TNFSF4: variants seen among roughly 807,000 people sequenced by gnomAD.
TNFSF4 encodes TNF superfamily member 4.
A neutral mutation model predicts 7.3 loss-of-function variants in TNFSF4; 4 were observed. The observed-to-expected ratio is 0.55, with a 90% CI of 0.27 to 1.25. The LOEUF (loss-of-function observed/expected upper bound fraction) is 1.25, where lower values mean the gene tolerates loss of function less well. Ranked by LOEUF, TNFSF4 falls within the 50% of genes most tolerant of loss-of-function variation. TNFSF4 has a pLI of 0.12. For missense variants in TNFSF4, 181 were observed against 208.8 expected, an observed-to-expected ratio of 0.87 and a Z score of 0.82; for synonymous variants, 76 against 83.7, an observed-to-expected ratio of 0.91 and a Z score of 0.50.
At chr1:173,434,398 G>A in the TNFSF4 span, among the ~76,000 whole-genome samples, 1 of 152,152 alleles carries the variant, frequency 6.6e-6, no homozygotes, top group Non-Finnish European at 1.5e-5. Flanking sequence ...AGGAGACCTG[G>A]CAGAAAAGTG....
the TNFSF4 span, among the ~76,000 whole-genome samples, chr1:173,390,785 G>A: frequency 1.1e-5 from 1 of 93,780 alleles, no homozygotes; most frequent in Non-Finnish European, 2.0e-5. Context: ...CGCTCTTGTT[G>A]CCCAGGCTGG....
chr1:173,288,149 C>G, the TNFSF4 span, among the ~76,000 whole-genome samples: 1 of 152,182 alleles, frequency 6.6e-6, no homozygotes, highest in Non-Finnish European at 1.5e-5. Flanking sequence ...ACATGTATCT[C>G]TCATCAATAA....
chr1:173,294,596 G>GT, the TNFSF4 span, among the ~76,000 whole-genome samples: 1 of 151,764 alleles, frequency 6.6e-6, no homozygotes, highest in South Asian at 2.1e-4. Flanking sequence ...TAAAATAAAA[G>GT]TTTTTTAAAA....
At chr1:173,403,775 G>T in the TNFSF4 span, among the ~76,000 whole-genome samples, 12 of 152,188 alleles carry the variant, frequency 7.9e-5, no homozygotes, top group African/African-American at 2.6e-4. Flanking sequence ...GGTGGCGGGT[G>T]CCTGTAATCC....
the TNFSF4 span, among the ~76,000 whole-genome samples, chr1:173,331,695 T>C: frequency 6.6e-6 from 1 of 152,198 alleles, no homozygotes; most frequent in African/African-American, 2.4e-5. Flanking sequence ...CTAGGAGCCT[T>C]AAGATAAAGA....
chr1:173,343,822 G>A, the TNFSF4 span, among the ~76,000 whole-genome samples: 1 of 152,294 alleles, frequency 6.6e-6, no homozygotes, highest in South Asian at 2.1e-4. Flanking sequence ...TGAATGGATA[G>A]ATAAGATGGA....
At chr1:173,273,582 A>G in the TNFSF4 span, among the ~76,000 whole-genome samples, 4 of 152,278 alleles carry the variant, frequency 2.6e-5, no homozygotes, top group South Asian at 8.3e-4. Context: ...CAGTTGGGAA[A>G]AAAATGTAGA....
chr1:173,443,940 T>C, the TNFSF4 span, among the ~76,000 whole-genome samples: 1 of 152,188 alleles, frequency 6.6e-6, no homozygotes, highest in African/African-American at 2.4e-5. Flanking sequence ...CTTGTTTTCT[T>C]TGTCATCTAA....
At chr1:173,436,065 G>T in the TNFSF4 span, among the ~76,000 whole-genome samples, 1 of 152,190 alleles carries the variant, frequency 6.6e-6, no homozygotes, top group African/African-American at 2.4e-5. Context: ...AAGGAGCAGA[G>T]AAGAACATCT....
the TNFSF4 span, among the ~76,000 whole-genome samples, chr1:173,343,463 G>C: frequency 2.0e-5 from 3 of 152,308 alleles, no homozygotes; most frequent in Non-Finnish European, 1.5e-5. Flanking sequence ...GGAACATGGA[G>C]AAAAATAGAA....
the TNFSF4 span, among the ~76,000 whole-genome samples, chr1:173,245,652 T>C: frequency 1.3e-5 from 2 of 152,196 alleles, no homozygotes; most frequent in Admixed American, 6.5e-5. Context: ...TTGTTAACCA[T>C]AGTCACCCTA....
chr1:173,288,917 C>A, the TNFSF4 span, among the ~76,000 whole-genome samples: 1 of 152,024 alleles, frequency 6.6e-6, no homozygotes, highest in Non-Finnish European at 1.5e-5. Flanking sequence ...AGAAATTGTA[C>A]ACAGTATGTA....
At chr1:173,210,144 T>G (rs1650326702), upstream of TNFSF4, among the ~76,000 whole-genome samples, 1 of 152,158 alleles carries the variant, frequency 6.6e-6, no homozygotes, top group African/African-American at 2.4e-5. Flanking sequence ...TTTTCATTTA[T>G]CTCTAAGTCA....
the TNFSF4 span, among the ~76,000 whole-genome samples, chr1:173,356,423 A>T: frequency 8.5e-5 from 13 of 152,250 alleles, no homozygotes; most frequent in Non-Finnish European, 1.6e-4. Flanking sequence ...GTAGAATCTG[A>T]TAAGAGACAG....
At chr1:173,394,362 G>C in the TNFSF4 span, among the ~76,000 whole-genome samples, 1 of 152,132 alleles carries the variant, frequency 6.6e-6, no homozygotes, top group Non-Finnish European at 1.5e-5. Flanking sequence ...CTGTTGTCAA[G>C]GGTCTTGCTA....
chr1:173,322,412 C>T, the TNFSF4 span, among the ~76,000 whole-genome samples: 3 of 151,892 alleles, frequency 2.0e-5, no homozygotes, highest in Non-Finnish European at 4.4e-5. Flanking sequence ...GGGGGTGGAG[C>T]CAAGATGGCC....
the TNFSF4 span, among the ~76,000 whole-genome samples, chr1:173,178,626 G>T: frequency 6.6e-6 from 1 of 152,054 alleles, no homozygotes; most frequent in African/African-American, 2.4e-5. Context: ...AGTTTTGCTG[G>T]ATATAAAATT....
the TNFSF4 span, among the ~76,000 whole-genome samples, chr1:173,384,969 C>T: frequency 6.6e-6 from 1 of 152,196 alleles, no homozygotes; most frequent in Non-Finnish European, 1.5e-5. Context: ...GTGCTGAAAT[C>T]AGCATCATAA....
At chr1:173,363,616 A>G in the TNFSF4 span, 1,230 of 431,750 alleles carry the variant, frequency 2.8e-3, 33 homozygotes, top group South Asian at 0.025. Flanking sequence ...ACTCTTAAGG[A>G]AAGGCTTATC....
Sources: gnomAD v4.1 joint callset for allele counts (sites outside exome capture counted in the v4.1 genomes callset) on GRCh38, gnomAD v4.1.1 for gene constraint, MANE v1.5 for transcripts, NCBI Gene and HGNC (gene_info 2026-07-23, HGNC 2026-07-21) for gene names.